PPP2R3B: variants seen among roughly 807,000 people sequenced by gnomAD.
PPP2R3B encodes protein phosphatase 2 regulatory subunit B''beta.
In PPP2R3B, 68 loss-of-function variants were observed where a neutral mutation model predicts 72.9. The ratio of observed to expected loss-of-function variants is 0.93; its 90% confidence interval spans 0.77 to 1.14. The LOEUF is 1.14. Ranked by LOEUF, PPP2R3B falls within the 50% of genes most tolerant of loss-of-function variation. The pLI is 0.00. For synonymous variants in PPP2R3B, 466 were observed against 375.8 expected (o/e 1.24, Z -2.78); for missense variants, 1,018 against 842.0 (o/e 1.21, Z -2.59).
At chrX:344,018 AGAGGCGGGAGGGAGACGTCGCCAACGG>A (rs1219267165) in intron 7 of PPP2R3B, among the ~76,000 whole-genome samples, 104 of 4,682 alleles carry the variant, frequency 0.022, 7 homozygotes, top group African/African-American at 0.099. Context: ...GTCGCCAAGG[AGAGGCGGGAGGGAGACGTCGCCAACGG>A]GAGGCGGGAG....
chrX:372,289 G>A (rs773258260), intron 1 of PPP2R3B, among the ~76,000 whole-genome samples: 1 of 152,340 alleles, frequency 6.6e-6, no homozygotes, highest in Admixed American at 6.5e-5. Context: ...GAGTGCAAAA[G>A]TTGATGTGAG....
At chrX:377,517 T>C (rs1249989103) in intron 1 of PPP2R3B, among the ~76,000 whole-genome samples, 1 of 69,634 alleles carries the variant, frequency 1.4e-5, no homozygotes, top group Non-Finnish European at 3.1e-5. Flanking sequence ...TGGGGCTGTC[T>C]ATACACTACT....
rs773389523 is a variant in PPP2R3B, at chrX:346,811, C to T, written c.718-36G>A. 6 of 1,581,922 alleles carry T rather than the reference C, an allele frequency of 3.8e-6. No homozygotes were observed. In the African/African-American group the frequency reaches 5.4e-5, roughly 14 times the overall value. On this transcript the variant is annotated intron_variant, in intron 4 of 12. Coordinates refer to ENST00000390665, the MANE Select transcript of PPP2R3B (RefSeq NM_013239.5). ...GAAGACACGAGGCGCGTGGTGTAGA[C>T]GCCGGCCCTCCCGTGAGGTGTGCGG...
chrX:386,295 A>C (rs2072247309), intron 1 of PPP2R3B, 73 bp downstream of exon 1: 2 of 1,224,040 alleles, frequency 1.6e-6, no homozygotes, highest in African/African-American at 1.6e-5. Flanking sequence ...ACCAGCCTCC[A>C]TCGCGCAGCC....
At chrX:346,905 TGAGG>T in intron 4 of PPP2R3B, 130 bp from the exon 5 acceptor site, 1 of 851,696 alleles carries the variant, frequency 1.2e-6, no homozygotes, top group Admixed American at 2.4e-5. Flanking sequence ...GGCCCTCCCG[TGAGG>T]GATGAGGCGT....
In PPP2R3B at chrX:334,100, G is replaced by A. The variant is rs1438334580; in HGVS notation, c.*267C>T. 3 of 363,222 alleles carry A rather than the reference G, an allele frequency of 8.3e-6. No homozygotes were observed. The highest frequency in any genetic ancestry group is 4.3e-5 in the African/African-American group (2 of 46,926). The allele number at this position is 363,222 out of a possible 1,614,324, so 22.5% of individuals were successfully genotyped here. A position where few individuals can be genotyped will look rare whatever the true frequency, so the allele number is the denominator to read the frequency against. ...CCACAGACGCAGGCCCCGGAACCCA[G>A]GCTGGGTCGGGAACGGCAAGCGCCA... is the stretch of plus-strand genomic sequence containing the variant. On this transcript the variant is annotated 3_prime_UTR_variant, in exon 13 of 13. Transcript: ENST00000390665.
At chrX:371,125 G>A (rs1176124883) in intron 1 of PPP2R3B, among the ~76,000 whole-genome samples, 1 of 152,176 alleles carries the variant, frequency 6.6e-6, no homozygotes, top group African/African-American at 2.4e-5. Flanking sequence ...CAGAAGGCCC[G>A]AGAATCCCTG....
At chrX:383,559 C>A (rs1207768240) in intron 1 of PPP2R3B, among the ~76,000 whole-genome samples, 3 of 151,998 alleles carry the variant, frequency 2.0e-5, no homozygotes, top group Non-Finnish European at 2.9e-5. Flanking sequence ...CGGCTGTCGG[C>A]GGGCACGGTG....
intron 2 of PPP2R3B, among the ~76,000 whole-genome samples, chrX:358,574 G>A (rs2071480687): frequency 6.6e-6 from 1 of 152,218 alleles, no homozygotes. Flanking sequence ...CTGGGGCGTC[G>A]AAGACAACGA....
intron 1 of PPP2R3B, among the ~76,000 whole-genome samples, chrX:364,530 A>AAC (rs943849716): frequency 1.3e-5 from 2 of 151,286 alleles, no homozygotes; most frequent in African/African-American, 4.9e-5. Flanking sequence ...ACAAAAAAAA[A>AAC]AAAACAGAAA....
At chrX:359,869 G>A in intron 2 of PPP2R3B, 1 of 514,932 alleles carries the variant, frequency 1.9e-6, no homozygotes. Context: ...CACAGACAGG[G>A]ACAGAACCTG....
intron 8 of PPP2R3B, 189 bp from the exon 9 acceptor site, chrX:341,585 A>T (rs1050338913): frequency 1.2e-5 from 8 of 675,554 alleles, no homozygotes; most frequent in Non-Finnish European, 1.8e-5. Context: ...GGTTTTCCCC[A>T]GATCCAGGCA....
intron 8 of PPP2R3B, 46 bp downstream of exon 8, chrX:341,837 C>T: frequency 6.2e-7 from 1 of 1,604,466 alleles, no homozygotes; most frequent in Admixed American, 1.7e-5. Flanking sequence ...GGACCGGGGT[C>T]CTCGCAGGGG....
In PPP2R3B at chrX:383,654, G is replaced by A. The variant is rs919857898; in HGVS notation, c.324+2714C>T. Among the ~76,000 whole-genome samples the A allele has an allele frequency of 9.8e-4, 148 of 151,664 alleles. 1 individual carries two copies. The highest frequency in any genetic ancestry group is 3.4e-3 in the Middle Eastern group (1 of 292). ...AGATCAAGACCATCCCGGCTAACAC[G>A]GTGAAACCCCGTCTCTACTAAAAAT... On this transcript the variant is annotated intron_variant, in intron 1 of 12. Coordinates refer to ENST00000390665, the MANE Select transcript of PPP2R3B (RefSeq NM_013239.5).
chrX:360,063 T>C, intron 2 of PPP2R3B, among the ~76,000 whole-genome samples: 1 of 152,304 alleles, frequency 6.6e-6, no homozygotes, highest in South Asian at 2.1e-4. Flanking sequence ...GACAAAGGAC[T>C]CACAAGAAAA....
intron 1 of PPP2R3B, among the ~76,000 whole-genome samples, chrX:368,027 C>T (rs996117823): frequency 7.9e-5 from 12 of 152,364 alleles, no homozygotes; most frequent in Non-Finnish European, 1.0e-4. Flanking sequence ...TGCCTGACAA[C>T]GCAGCCTCGG....
intron 1 of PPP2R3B, among the ~76,000 whole-genome samples, chrX:363,352 AGTGCATCTCTCCGAGCCCACC>A: frequency 7.1e-6 from 1 of 140,412 alleles, no homozygotes; most frequent in Admixed American, 7.0e-5. Flanking sequence ...ACCATCCCGC[AGTGCATCTCTCCGAGCCCACC>A]ATCCCACAGT....
chrX:338,494 A>C (rs2738377), intron 12 of PPP2R3B, 110 bp downstream of exon 12: 1 of 1,046,388 alleles, frequency 9.6e-7, no homozygotes, highest in Middle Eastern at 3.0e-4. Flanking sequence ...CACCTGACTG[A>C]CCCCGCATCC....
rs375423068 is a variant in PPP2R3B at position 338,702 on chromosome X, G to A, written c.1479C>T (p.Asp493=). ...KEQISLLRDG[D]SGGPELSDWE... ...AGTCCGAGAGCTCGGGGCCGCCGCT[G>A]TCACCGTCCTGGAGGAAGCACACGG... The change falls in exon 12 of 13, where the codon GAC becomes GAT. Residue 493 remains aspartate (D), a synonymous_variant. Coordinates refer to ENST00000390665, the MANE Select transcript of PPP2R3B (RefSeq NM_013239.5). The A allele has an allele frequency of 1.6e-5, 26 of 1,611,726 alleles. No individual in the cohort carries two copies. Among genetic ancestry groups the A allele is most frequent in the East Asian group, 1.1e-4 (5 of 44,868 alleles).
Sources: allele counts gnomAD v4.1 joint callset (sites outside exome capture counted in the v4.1 genomes callset), GRCh38; gene constraint gnomAD v4.1.1; transcripts MANE v1.5; gene names NCBI Gene and HGNC (gene_info 2026-07-23, HGNC 2026-07-21).